The following NRXN3 variants were observed in gnomAD, a reference collection of about 807,000 sequenced individuals.
NRXN3 encodes the protein neurexin 3, also known as neurexin III.
Under a neutral mutation model 137.6 loss-of-function variants are expected in NRXN3, and 32 were observed. That is an observed-to-expected ratio of 0.23 (90% CI 0.18 to 0.31). The LOEUF (loss-of-function observed/expected upper bound fraction) is 0.31. NRXN3 is among the 10% of genes least tolerant of loss of function. The probability of loss-of-function intolerance (pLI) is 1.00; values close to 1 mark genes in which losing one functional copy is unlikely to be tolerated. For synonymous variants in NRXN3, 798 were observed against 784.5 expected (o/e 1.02, Z -0.29); for missense variants, 1,574 against 2,062.5 (o/e 0.76, Z 4.59).
chr14:78,539,302 G>A (rs915393680), intron 4 of NRXN3, among the ~76,000 whole-genome samples: 2 of 152,146 alleles, frequency 1.3e-5, no homozygotes, highest in African/African-American at 2.4e-5. Context: ...GCCTGTTATT[G>A]GTCTATTCAG....
intron 4 of NRXN3, among the ~76,000 whole-genome samples, chr14:78,505,151 T>C (rs1024198469): frequency 6.6e-6 from 1 of 152,036 alleles, no homozygotes; most frequent in Non-Finnish European, 1.5e-5. Context: ...TTCCTAGGCC[T>C]TACCAAGTGT....
At chr14:79,392,163 G>T (rs1036000221) in intron 15 of NRXN3, among the ~76,000 whole-genome samples, 3 of 152,054 alleles carry the variant, frequency 2.0e-5, no homozygotes, top group Non-Finnish European at 2.9e-5. Context: ...CTCCCCAACA[G>T]GTCCTGGTGT....
intron 4 of NRXN3, among the ~76,000 whole-genome samples, chr14:78,540,476 T>C (rs945851342): frequency 2.7e-5 from 4 of 150,176 alleles, no homozygotes; most frequent in African/African-American, 9.8e-5. Flanking sequence ...TTGGTAGATC[T>C]TCCTCCATTC....
chr14:78,933,762 T>A (rs2099328254), intron 10 of NRXN3, among the ~76,000 whole-genome samples: 1 of 152,152 alleles, frequency 6.6e-6, no homozygotes, highest in Admixed American at 6.5e-5. Flanking sequence ...ATAGTTATCA[T>A]CTTTATGGTG....
chr14:78,799,470 GA>G (rs1567344313), intron 8 of NRXN3, among the ~76,000 whole-genome samples: 2 of 152,136 alleles, frequency 1.3e-5, no homozygotes, highest in East Asian at 3.9e-4. Context: ...AGGTCTCTAG[GA>G]AGTTCCAAAC....
chr14:79,722,386 G>GAC (rs982966269), intron 19 of NRXN3, among the ~76,000 whole-genome samples: 1 of 152,104 alleles, frequency 6.6e-6, no homozygotes, highest in African/African-American at 2.4e-5. Flanking sequence ...TCCTTAGGAT[G>GAC]ACAAACTTCA....
intron 15 of NRXN3, among the ~76,000 whole-genome samples, chr14:79,414,666 T>C (rs533951222): frequency 6.6e-6 from 1 of 152,248 alleles, no homozygotes; most frequent in East Asian, 1.9e-4. Context: ...ATCAAGCTAA[T>C]TAACATATCC....
At chr14:78,892,559 T>G (rs2099162059) in intron 10 of NRXN3, among the ~76,000 whole-genome samples, 1 of 151,842 alleles carries the variant, frequency 6.6e-6, no homozygotes, top group African/African-American at 2.4e-5. Flanking sequence ...CCTTTTTTTT[T>G]TTTCTTACCC....
intron 16 of NRXN3, among the ~76,000 whole-genome samples, chr14:79,512,919 A>G (rs970754345): frequency 6.6e-6 from 1 of 152,210 alleles, no homozygotes. Flanking sequence ...TGACTTAGGT[A>G]TGTCTGTGAT....
chr14:79,517,094 C>A (rs554967020), intron 16 of NRXN3, among the ~76,000 whole-genome samples: 4 of 130,914 alleles, frequency 3.1e-5, no homozygotes, highest in African/African-American at 6.5e-5. Context: ...AATGTACAGC[C>A]CCCCCCCCCT....
rs549404040 is a variant in NRXN3, at chr14:78,814,338, C to T, written c.2275+3994C>T. Among the ~76,000 whole-genome samples, 6 of 152,210 alleles carry T rather than the reference C, an allele frequency of 3.9e-5. No homozygotes were observed. In the South Asian group the frequency reaches 8.3e-4, roughly 21 times the overall value. On this transcript the variant is annotated intron_variant, in intron 10 of 20. Coordinates refer to ENST00000335750, the MANE Select transcript of NRXN3 (RefSeq NM_001330195.2). Reference sequence around the variant, plus strand: ...ACTACTAAAGGAAAACAGAACTGGCCGGATGTGGTAGCTCACACCTGTAAT... The same window carrying T: ...ACTACTAAAGGAAAACAGAACTGGCTGGATGTGGTAGCTCACACCTGTAAT...
Position 78,803,616 on chromosome 14 carries a change from G to A in NRXN3, c.2045-4G>A. 2 of 1,613,798 alleles carry A rather than the reference G, an allele frequency of 1.2e-6. No homozygotes were observed. The highest frequency in any genetic ancestry group is 1.7e-6 in the Non-Finnish European group (2 of 1,179,786). On this transcript the variant is annotated splice_region_variant and splice_polypyrimidine_tract_variant and intron_variant, in intron 8 of 20. Coordinates refer to ENST00000335750, the MANE Select transcript of NRXN3 (RefSeq NM_001330195.2). Reference sequence around the variant, plus strand: ...TAACGATCTTCTCCATTCTTCTTTGGCAGAGGCATCCATCCTGAGCTATGA... The same window carrying A: ...TAACGATCTTCTCCATTCTTCTTTGACAGAGGCATCCATCCTGAGCTATGA...
At chr14:79,445,135 A>C (rs932299620) in intron 15 of NRXN3, among the ~76,000 whole-genome samples, 1 of 152,034 alleles carries the variant, frequency 6.6e-6, no homozygotes, top group Non-Finnish European at 1.5e-5. Flanking sequence ...AGGTCAAGAG[A>C]TCAAGACCAT....
intron 15 of NRXN3, among the ~76,000 whole-genome samples, chr14:79,090,206 C>A (rs1055021553): frequency 4.6e-5 from 7 of 152,022 alleles, no homozygotes; most frequent in Admixed American, 1.3e-4. Context: ...ATACTCATCC[C>A]CTTATGCAGA....
chr14:79,034,833 A>G (rs2099613561), intron 15 of NRXN3, among the ~76,000 whole-genome samples: 1 of 152,122 alleles, frequency 6.6e-6, no homozygotes, highest in African/African-American at 2.4e-5. Flanking sequence ...GTTTTATACA[A>G]CATTCTCTTT....
intron 15 of NRXN3, among the ~76,000 whole-genome samples, chr14:79,000,636 G>A (rs1452028201): frequency 6.6e-6 from 1 of 152,104 alleles, no homozygotes; most frequent in Admixed American, 6.6e-5. Flanking sequence ...ATTTCCATGT[G>A]ATTCCCTCAC....
At chr14:79,107,796 G>A (rs541500428) in intron 15 of NRXN3, among the ~76,000 whole-genome samples, 2 of 152,208 alleles carry the variant, frequency 1.3e-5, no homozygotes, top group East Asian at 3.9e-4. Context: ...CCGAGATGGA[G>A]AAGACTGGGG....
chr14:78,987,618 T>TA (rs1336591672), intron 14 of NRXN3, among the ~76,000 whole-genome samples: 2 of 152,026 alleles, frequency 1.3e-5, no homozygotes, highest in African/African-American at 4.8e-5. Flanking sequence ...GTTTCAGGAT[T>TA]AAAAAAACAC....
intron 2 of NRXN3, among the ~76,000 whole-genome samples, chr14:78,261,146 T>A (rs1008408213): frequency 1.3e-5 from 2 of 152,146 alleles, no homozygotes; most frequent in African/African-American, 4.8e-5. Context: ...CACCCCCTAT[T>A]CAATCTGGCA....
Sources: gnomAD v4.1 joint callset for allele counts (sites outside exome capture counted in the v4.1 genomes callset) on GRCh38, gnomAD v4.1.1 for gene constraint, MANE v1.5 for transcripts, NCBI Gene and HGNC (gene_info 2026-07-23, HGNC 2026-07-21) for gene names.